Variants in FSTL4 observed in about 807,000 individuals in gnomAD.
FSTL4 encodes follistatin like 4.
In FSTL4, 28 loss-of-function variants were observed where a neutral mutation model predicts 78.2. The observed-to-expected ratio is 0.36, with a 90% CI of 0.27 to 0.49. The LOEUF (loss-of-function observed/expected upper bound fraction) is 0.49. Among genes scored for constraint, FSTL4 ranks in the 20% least tolerant of loss-of-function variants. The pLI is 0.98. For synonymous variants in FSTL4, 422 were observed against 440.5 expected (o/e 0.96, Z 0.53); for missense variants, 922 against 1,084.9 (o/e 0.85, Z 2.11).
chr5:133,582,290 C>T (rs1580803874), intron 2 of FSTL4, among the ~76,000 whole-genome samples: 1 of 152,190 alleles, frequency 6.6e-6, no homozygotes, highest in Admixed American at 6.5e-5. Context: ...GCACCCCAGA[C>T]CCCCGGCACT....
intron 14 of FSTL4, 90 bp from the exon 15 acceptor site, chr5:133,202,132 G>GGGTGA: frequency 2.7e-6 from 2 of 737,416 alleles, no homozygotes; most frequent in Non-Finnish European, 4.5e-6. Context: ...AGTCACCCCG[G>GGGTGA]CAGAGGGGTG....
Position 133,206,288 on chromosome 5 carries a change from T to A in FSTL4, c.1716+3903A>T, listed in dbSNP as rs558434361. Among the ~76,000 whole-genome samples the A allele has an allele frequency of 1.2e-4, 19 of 152,308 alleles. 1 individual carries two copies. In the East Asian group the frequency reaches 1.3e-3, roughly 11 times the overall value. On this transcript the variant is annotated intron_variant, in intron 14 of 15. Transcript: ENST00000265342. ...TCATAAGTCAGTCAGTTAATTTTTTTAAAACATTTTGCAAGCATTCACTCA... is the reference window on the plus strand; with the variant it reads ...TCATAAGTCAGTCAGTTAATTTTTTAAAAACATTTTGCAAGCATTCACTCA...
At chr5:133,510,922 A>T (rs535487121) in intron 3 of FSTL4, among the ~76,000 whole-genome samples, 237 of 152,286 alleles carry the variant, frequency 1.6e-3, no homozygotes, top group Admixed American at 3.6e-3. Context: ...GCTCTCGCTC[A>T]AAAAGGGTTT....
At chr5:133,682,383 G>A in the FSTL4 span, among the ~76,000 whole-genome samples, 4 of 152,292 alleles carry the variant, frequency 2.6e-5, no homozygotes, top group Non-Finnish European at 4.4e-5. Flanking sequence ...TTTACTCCTC[G>A]AACGCAGGGA....
In FSTL4 at chr5:133,482,418, T is replaced by C. The variant is rs149764931; in HGVS notation, c.161-81432A>G. ...TCCCATGAAACATAACTGGCAAGGG[T>C]AGGGGCTGCCCAGAGGTTAGTCTGG... On this transcript the variant is annotated intron_variant, in intron 3 of 15. Transcript: ENST00000265342. Among the ~76,000 whole-genome samples the C allele has an allele frequency of 7.2e-5, 11 of 152,272 alleles. No homozygotes were observed. In the East Asian group the frequency reaches 2.1e-3, roughly 29 times the overall value.
At chr5:133,644,743 C>T in the FSTL4 span, among the ~76,000 whole-genome samples, 1 of 152,136 alleles carries the variant, frequency 6.6e-6, no homozygotes, top group Non-Finnish European at 1.5e-5. Context: ...CAGACCCATA[C>T]CCTGCCCTCT....
At chr5:133,613,529 C>G (rs570436510), upstream of FSTL4, among the ~76,000 whole-genome samples, 1 of 152,364 alleles carries the variant, frequency 6.6e-6, no homozygotes, top group South Asian at 2.1e-4. Context: ...TAATGGAAGG[C>G]TGACCTGAAG....
chr5:133,219,878 A>T (rs1348647530), intron 12 of FSTL4, among the ~76,000 whole-genome samples: 1 of 152,244 alleles, frequency 6.6e-6, no homozygotes, highest in Non-Finnish European at 1.5e-5. Context: ...CTGGCTTCAT[A>T]GCTGTTATTA....
At chr5:133,467,653 T>A (rs1178683473) in intron 3 of FSTL4, among the ~76,000 whole-genome samples, 1 of 151,956 alleles carries the variant, frequency 6.6e-6, no homozygotes, top group Non-Finnish European at 1.5e-5. Flanking sequence ...AATCCATAGG[T>A]CTTGCAGGCA....
chr5:133,841,531 T>C, the FSTL4 span, among the ~76,000 whole-genome samples: 2 of 152,194 alleles, frequency 1.3e-5, no homozygotes, highest in African/African-American at 4.8e-5. Context: ...ATGTACCAGA[T>C]GGCCTACACA....
At chr5:133,347,604 C>T (rs2126923311) in intron 4 of FSTL4, among the ~76,000 whole-genome samples, 1 of 152,232 alleles carries the variant, frequency 6.6e-6, no homozygotes, top group East Asian at 1.9e-4. Context: ...AGTGATCCAC[C>T]CACCTTGGAT....
chr5:133,484,684 G>A (rs565230438), intron 3 of FSTL4, among the ~76,000 whole-genome samples: 4 of 152,250 alleles, frequency 2.6e-5, no homozygotes, highest in South Asian at 2.1e-4. Context: ...GGTCTCTATC[G>A]TCTCTTAAGT....
intron 3 of FSTL4, among the ~76,000 whole-genome samples, chr5:133,535,303 T>C (rs1028092639): frequency 6.6e-6 from 1 of 152,210 alleles, no homozygotes; most frequent in African/African-American, 2.4e-5. Flanking sequence ...TAAAAAAATC[T>C]CTGCAGCAAT....
At chr5:133,761,529 A>G in the FSTL4 span, among the ~76,000 whole-genome samples, 2 of 152,230 alleles carry the variant, frequency 1.3e-5, no homozygotes, top group African/African-American at 4.8e-5. Flanking sequence ...GAGAAAACCC[A>G]GATTCCCAAC....
chr5:133,667,383 A>C, the FSTL4 span, among the ~76,000 whole-genome samples: 3 of 152,202 alleles, frequency 2.0e-5, no homozygotes, highest in Non-Finnish European at 4.4e-5. Context: ...ATCTGACTTT[A>C]ACACTGCAGC....
intron 6 of FSTL4, among the ~76,000 whole-genome samples, chr5:133,275,214 A>G (rs1054068343): frequency 2.0e-5 from 3 of 151,898 alleles, no homozygotes; most frequent in African/African-American, 4.8e-5. Flanking sequence ...CAATGAGCTG[A>G]GATTGCACCA....
chr5:133,689,263 T>C, the FSTL4 span, among the ~76,000 whole-genome samples: 1 of 152,152 alleles, frequency 6.6e-6, no homozygotes, highest in Non-Finnish European at 1.5e-5. Flanking sequence ...CCTTCCCTTG[T>C]CCAGATAACT....
intron 2 of FSTL4, among the ~76,000 whole-genome samples, chr5:133,598,702 C>A (rs774793799): frequency 1.2e-5 from 1 of 83,478 alleles, no homozygotes; most frequent in African/African-American, 5.1e-5. Flanking sequence ...GAAAGGAGTA[C>A]GTGGTTCGGT....
At chr5:133,773,082 A>G in the FSTL4 span, among the ~76,000 whole-genome samples, 1 of 152,144 alleles carries the variant, frequency 6.6e-6, no homozygotes, top group Non-Finnish European at 1.5e-5. Flanking sequence ...CAGAATTAAT[A>G]TTACTAAATG....
Sources: allele counts gnomAD v4.1 joint callset (sites outside exome capture counted in the v4.1 genomes callset), GRCh38; gene constraint gnomAD v4.1.1; transcripts MANE v1.5; gene names NCBI Gene and HGNC (gene_info 2026-07-23, HGNC 2026-07-21).